TRPS1: variants seen among roughly 807,000 people sequenced by gnomAD.
TRPS1 encodes the protein zinc finger transcription factor Trps1.
Under a neutral mutation model 101.2 loss-of-function variants are expected in TRPS1, and 6 were observed. The ratio of observed to expected loss-of-function variants is 0.06; its 90% CI spans 0.03 to 0.12. The LOEUF is 0.12. Ranked by LOEUF, TRPS1 falls within the 10% of genes least tolerant of loss-of-function variation. The pLI is 1.00. For missense variants in TRPS1, 1,363 were observed against 1,567.0 expected (o/e 0.87, Z 2.20); for synonymous variants, 578 against 589.8 (o/e 0.98, Z 0.29).
At chr8:115,449,734 C>T (rs984245623) in intron 5 of TRPS1, among the ~76,000 whole-genome samples, 35 of 152,204 alleles carry the variant, frequency 2.3e-4, no homozygotes, top group South Asian at 1.0e-3. Flanking sequence ...TTCTTATCTG[C>T]CTGTTTAATA....
At chr8:115,628,147 T>C (rs1308012201) in intron 1 of TRPS1, among the ~76,000 whole-genome samples, 4 of 151,776 alleles carry the variant, frequency 2.6e-5, no homozygotes, top group Non-Finnish European at 4.4e-5. Flanking sequence ...TAGTTCTTCC[T>C]CATGAAACTA....
At chr8:115,617,712 T>C (rs184059997) in intron 3 of TRPS1, among the ~76,000 whole-genome samples, 5 of 152,316 alleles carry the variant, frequency 3.3e-5, no homozygotes, top group Admixed American at 2.0e-4. Context: ...TTCCCAATCA[T>C]AGTTTGACAG....
chr8:115,586,866 G>A, intron 5 of TRPS1, 135 bp downstream of exon 5: 1 of 1,499,218 alleles, frequency 6.7e-7, no homozygotes, highest in Non-Finnish European at 9.1e-7. Context: ...TTTGGCCTTA[G>A]GAGTATAAAT....
chr8:115,520,107 T>C (rs1380642905), intron 5 of TRPS1, among the ~76,000 whole-genome samples: 2 of 151,192 alleles, frequency 1.3e-5, no homozygotes, highest in African/African-American at 4.9e-5. Flanking sequence ...CATCAACAGA[T>C]GACATGGAAC....
At position 115,511,942 on chromosome 8, in the gene TRPS1, C is replaced by G. The variant is rs532571728; in HGVS notation, c.2700+75059G>C. ...TAATATGAATCTTAATATGATAAAC[C>G]AATGTAACATATCTAACATACGACT... On this transcript the variant is annotated intron_variant, in intron 5 of 6. Coordinates refer to ENST00000395715, the MANE Select transcript of TRPS1 (RefSeq NM_014112.5). Among the ~76,000 whole-genome samples the G allele has an allele frequency of 7.3e-5, 11 of 151,664 alleles. No homozygotes were observed. The East Asian group carries it at 1.9e-3, about 27-fold the overall frequency.
intron 4 of TRPS1, among the ~76,000 whole-genome samples, chr8:115,589,877 G>T (rs1442435174): frequency 6.6e-6 from 1 of 152,186 alleles, no homozygotes; most frequent in Non-Finnish European, 1.5e-5. Flanking sequence ...AGCACTTTGG[G>T]AAGCAGAGGC....
intron 4 of TRPS1, among the ~76,000 whole-genome samples, chr8:115,602,848 T>C (rs1817940127): frequency 6.6e-6 from 1 of 152,204 alleles, no homozygotes; most frequent in South Asian, 2.1e-4. Context: ...CACCAATGCT[T>C]TGCTGAACTA....
At chr8:115,511,963 C>T (rs971711144) in intron 5 of TRPS1, among the ~76,000 whole-genome samples, 107 of 151,788 alleles carry the variant, frequency 7.0e-4, no homozygotes, top group East Asian at 3.9e-4. Flanking sequence ...ATCTAACATA[C>T]GACTAAACAA....
chr8:115,573,621 G>A (rs1008126772), intron 5 of TRPS1, among the ~76,000 whole-genome samples: 1 of 152,092 alleles, frequency 6.6e-6, no homozygotes, highest in Admixed American at 6.6e-5. Flanking sequence ...ACCTATGTAA[G>A]ATGGTCATAT....
At chr8:115,612,738 G>C (rs1448540592) in intron 3 of TRPS1, among the ~76,000 whole-genome samples, 1 of 152,124 alleles carries the variant, frequency 6.6e-6, no homozygotes, top group Admixed American at 6.5e-5. Context: ...GAAATGCTAG[G>C]CCAGGAGACT....
chr8:115,540,178 T>C (rs1024578887), intron 5 of TRPS1, among the ~76,000 whole-genome samples: 3 of 152,106 alleles, frequency 2.0e-5, no homozygotes, highest in African/African-American at 7.2e-5. Context: ...TAGTACAAAA[T>C]AGAAAAACAG....
intron 5 of TRPS1, among the ~76,000 whole-genome samples, chr8:115,531,389 A>G (rs1771248388): frequency 1.3e-5 from 2 of 152,206 alleles, no homozygotes; most frequent in African/African-American, 2.4e-5. Context: ...CTTGTTGATT[A>G]CTGTTGAATC....
chr8:115,547,503 G>A (rs1003508131), intron 5 of TRPS1, among the ~76,000 whole-genome samples: 1 of 152,168 alleles, frequency 6.6e-6, no homozygotes, highest in Non-Finnish European at 1.5e-5. Flanking sequence ...TTTTAAGCAA[G>A]TTATTTGATT....
intron 5 of TRPS1, among the ~76,000 whole-genome samples, chr8:115,470,487 T>A (rs1335148609): frequency 6.6e-6 from 1 of 152,228 alleles, no homozygotes; most frequent in African/African-American, 2.4e-5. Context: ...TATTTGTGAA[T>A]GTTATGTATA....
intron 5 of TRPS1, among the ~76,000 whole-genome samples, chr8:115,483,768 A>G (rs1814813748): frequency 6.6e-6 from 1 of 152,170 alleles, no homozygotes; most frequent in South Asian, 2.1e-4. Context: ...AGCCAGCTAG[A>G]GGTATGTATG....
chr8:115,629,966 C>G (rs1039303750), intron 1 of TRPS1, among the ~76,000 whole-genome samples: 5 of 151,874 alleles, frequency 3.3e-5, no homozygotes, highest in African/African-American at 1.2e-4. Context: ...CATAGCTTTA[C>G]AGGCTTTTGA....
At chr8:115,566,100 T>C (rs748406978) in intron 5 of TRPS1, among the ~76,000 whole-genome samples, 4 of 152,146 alleles carry the variant, frequency 2.6e-5, no homozygotes, top group Non-Finnish European at 2.9e-5. Flanking sequence ...CATAACATCT[T>C]TGATACTAAT....
At chr8:115,618,851 G>A (rs1818324409) in intron 3 of TRPS1, among the ~76,000 whole-genome samples, 1 of 152,168 alleles carries the variant, frequency 6.6e-6, no homozygotes, top group Admixed American at 6.5e-5. Context: ...AAATTACCAT[G>A]ACATATGCCC....
At chr8:115,657,056 A>G (rs541922758) in intron 1 of TRPS1, among the ~76,000 whole-genome samples, 1 of 152,294 alleles carries the variant, frequency 6.6e-6, no homozygotes, top group African/African-American at 2.4e-5. Flanking sequence ...CGTTTTAAAA[A>G]TCTAAAACAT....
Sources: allele counts gnomAD v4.1 joint callset (sites outside exome capture counted in the v4.1 genomes callset), GRCh38; gene constraint gnomAD v4.1.1; transcripts MANE v1.5; gene names NCBI Gene and HGNC (gene_info 2026-07-23, HGNC 2026-07-21).